NEK4: variants seen among roughly 807,000 people sequenced by gnomAD.
NEK4 encodes serine/threonine-protein kinase Nek4.
In NEK4, 86 loss-of-function variants were observed where a neutral mutation model predicts 98.4. The observed-to-expected ratio is 0.87, with a 90% confidence interval of 0.73 to 1.05. The LOEUF (loss-of-function observed/expected upper bound fraction) is 1.05. Ranked by LOEUF, NEK4 falls within the 50% of genes least tolerant of loss-of-function variation. The probability of loss-of-function intolerance (pLI) is 0.00; values close to 1 mark genes in which losing one functional copy is unlikely to be tolerated. For synonymous variants in NEK4, 328 were observed against 342.2 expected (o/e 0.96, Z 0.46); for missense variants, 898 against 950.3 (o/e 0.94, Z 0.72).
At chr3:52,721,979 G>A (rs969443481) in intron 15 of NEK4, among the ~76,000 whole-genome samples, 1 of 152,166 alleles carries the variant, frequency 6.6e-6, no homozygotes, top group Non-Finnish European at 1.5e-5. Context: ...GCTGGTCCTG[G>A]ATGAAACCTG....
intron 6 of NEK4, among the ~76,000 whole-genome samples, chr3:52,756,096 GTTCT>G (rs1266165331): frequency 1.3e-5 from 2 of 152,098 alleles, no homozygotes; most frequent in South Asian, 2.1e-4. Flanking sequence ...ACTTAACATT[GTTCT>G]TTCTTTTTTT....
chr3:52,753,569 G>T (rs1032864153), intron 6 of NEK4: 1 of 546,242 alleles, frequency 1.8e-6, no homozygotes, highest in South Asian at 1.4e-5. Context: ...ACATGGAAAC[G>T]ATCTGAAGCT....
intron 12 of NEK4, among the ~76,000 whole-genome samples, chr3:52,741,746 T>C (rs2097386604): frequency 6.6e-6 from 1 of 152,040 alleles, no homozygotes; most frequent in Non-Finnish European, 1.5e-5. Context: ...GAACATCAGA[T>C]GAAGTTTTTT....
intron 15 of NEK4, among the ~76,000 whole-genome samples, chr3:52,718,844 G>A (rs900676921): frequency 1.2e-4 from 19 of 152,102 alleles, no homozygotes; most frequent in Admixed American, 3.3e-4. Flanking sequence ...CGTGACTTCC[G>A]CCTCCTGGGC....
chr3:52,733,910 C>G (rs897211276), intron 15 of NEK4: 23 of 283,008 alleles, frequency 8.1e-5, no homozygotes, highest in Non-Finnish European at 1.5e-4. Flanking sequence ...GCTAACACAA[C>G]ATTGGAAGAC....
rs1375056682 is a variant in NEK4, at chr3:52,711,598, C to T, written c.*179G>A. The T allele has an allele frequency of 8.7e-6, 4 of 457,994 alleles. No homozygotes were observed. The highest frequency in any genetic ancestry group is 1.2e-5 in the Non-Finnish European group (3 of 255,026). The allele number at this position is 457,994 out of a possible 1,614,324, so 28.4% of individuals were successfully genotyped here. A position where few individuals can be genotyped will look rare whatever the true frequency, so the allele number is the denominator to read the frequency against. On this transcript the variant is annotated 3_prime_UTR_variant, in exon 16 of 16. Transcript: ENST00000233027. ...GCCAAAGTTTTTTTTCTTTTGTGATCCTGCTTCATATTATTCTGTTCTGTC... is the reference window on the plus strand; with the variant it reads ...GCCAAAGTTTTTTTTCTTTTGTGATTCTGCTTCATATTATTCTGTTCTGTC...
intron 5 of NEK4, among the ~76,000 whole-genome samples, chr3:52,762,933 C>T (rs1191785833): frequency 1.3e-5 from 2 of 152,224 alleles, no homozygotes; most frequent in Admixed American, 1.3e-4. Flanking sequence ...CTGATCTTCC[C>T]TTTTTCTTCC....
chr3:52,742,077 C>G (rs2097387349), intron 12 of NEK4, among the ~76,000 whole-genome samples: 1 of 152,126 alleles, frequency 6.6e-6, no homozygotes, highest in Admixed American at 6.6e-5. Context: ...CGCGCCTGCC[C>G]AAGGTGAAGT....
intron 15 of NEK4, among the ~76,000 whole-genome samples, chr3:52,732,325 T>G (rs1327935881): frequency 6.6e-6 from 1 of 152,130 alleles, no homozygotes; most frequent in East Asian, 1.9e-4. Flanking sequence ...TCCCAAGTAG[T>G]TGGGACTACA....
rs10528307 is a variant in NEK4 at position 52,724,232 on chromosome 3, A to AAC, written c.2434-12365_2434-12364dup. 8.7e-3 allele frequency among the ~76,000 whole-genome samples: 1,271 copies of AAC among 145,296 alleles called. 9 individuals carry two copies. The highest frequency in any genetic ancestry group is 0.021 in the South Asian group (94 of 4,528). On this transcript the variant is annotated intron_variant, in intron 15 of 15. Transcript: ENST00000233027. ...TGGGGACAGTGAGACTTTGTCTTAAAACACACACACACACACACACACACA... is the reference window on the plus strand; with the variant it reads ...TGGGGACAGTGAGACTTTGTCTTAAAACACACACACACACACACACACACACA...
At chr3:52,732,396 G>A (rs188483593) in intron 15 of NEK4, among the ~76,000 whole-genome samples, 117 of 152,198 alleles carry the variant, frequency 7.7e-4, no homozygotes, top group African/African-American at 2.7e-3. Flanking sequence ...GGGTTTCACC[G>A]TGTTAAGTCA....
At chr3:52,715,331 T>C (rs1228634560) in intron 15 of NEK4, among the ~76,000 whole-genome samples, 2 of 152,124 alleles carry the variant, frequency 1.3e-5, no homozygotes, top group African/African-American at 4.8e-5. Context: ...GGCTAAATAC[T>C]CCACGAGACA....
At chr3:52,737,809 TTTTA>T (rs1426282213) in intron 14 of NEK4, 90 bp from the exon 15 acceptor site, 10 of 940,114 alleles carry the variant, frequency 1.1e-5, no homozygotes, top group African/African-American at 6.7e-5. Context: ...TTGTATTTTA[TTTTA>T]TTTATTTATT....
At chr3:52,767,780 G>A (rs973431889) in intron 2 of NEK4, among the ~76,000 whole-genome samples, 1 of 151,734 alleles carries the variant, frequency 6.6e-6, no homozygotes, top group African/African-American at 2.4e-5. Flanking sequence ...ATTAATTCTG[G>A]ACAAGTCTAC....
intron 2 of NEK4, among the ~76,000 whole-genome samples, chr3:52,767,844 T>C (rs1378083771): frequency 1.6e-4 from 24 of 152,226 alleles, no homozygotes; most frequent in Non-Finnish European, 3.5e-4. Context: ...ATATGCATAT[T>C]AAAACACAAA....
chr3:52,757,200 C>CA (rs1211201888), intron 6 of NEK4, among the ~76,000 whole-genome samples: 3 of 152,158 alleles, frequency 2.0e-5, no homozygotes, highest in Non-Finnish European at 1.5e-5. Context: ...CACAGGTCCT[C>CA]AAAAAGTTAG....
intron 15 of NEK4, among the ~76,000 whole-genome samples, chr3:52,723,823 G>A (rs1476015823): frequency 6.6e-6 from 1 of 152,106 alleles, no homozygotes; most frequent in Non-Finnish European, 1.5e-5. Context: ...AAATTCACAA[G>A]TTTGATGAAA....
chr3:52,715,149 G>A (rs968516568), intron 15 of NEK4, among the ~76,000 whole-genome samples: 8 of 152,224 alleles, frequency 5.3e-5, no homozygotes, highest in Non-Finnish European at 1.0e-4. Context: ...ACCAGAGTGG[G>A]AACTTGTGGT....
chr3:52,719,095 G>T (rs1463501277), intron 15 of NEK4, among the ~76,000 whole-genome samples: 1 of 152,158 alleles, frequency 6.6e-6, no homozygotes, highest in Admixed American at 6.6e-5. Context: ...TGCTCCAAAG[G>T]AGGAGTACTC....
Sources: gnomAD v4.1 joint callset for allele counts (sites outside exome capture counted in the v4.1 genomes callset) on GRCh38, gnomAD v4.1.1 for gene constraint, MANE v1.5 for transcripts, NCBI Gene and HGNC (gene_info 2026-07-23, HGNC 2026-07-21) for gene names.